Variants in ADCY5 observed in about 807,000 individuals in gnomAD.
ADCY5 encodes adenylate cyclase type 5.
ADCY5 carries 30 observed loss-of-function variants against 119.7 expected under a neutral mutation model. The observed-to-expected ratio is 0.25, with a 90% CI of 0.19 to 0.34. The LOEUF is 0.34. Among genes scored for constraint, ADCY5 ranks in the 10% least tolerant of loss-of-function variants. The pLI is 1.00. For synonymous variants in ADCY5, 753 were observed against 762.2 expected, an observed-to-expected ratio of 0.99 and a Z score of 0.20; for missense variants, 1,324 against 1,775.2, an observed-to-expected ratio of 0.75 and a Z score of 4.57.
At chr3:123,309,039 C>T (rs62262651) in intron 12 of ADCY5, among the ~76,000 whole-genome samples, 28,354 of 152,122 alleles carry the variant, frequency 0.19, 2,803 homozygotes, top group Middle Eastern at 0.29. Flanking sequence ...AGTACATTCC[C>T]AATCTGATTA....
chr3:123,397,767 T>C (rs1216220787), intron 1 of ADCY5, among the ~76,000 whole-genome samples: 3 of 152,242 alleles, frequency 2.0e-5, no homozygotes, highest in African/African-American at 7.2e-5. Context: ...ATGGACTTTT[T>C]CAAATCAGAG....
At chr3:123,329,685 C>T (rs1384395508) in intron 5 of ADCY5, among the ~76,000 whole-genome samples, 1 of 152,170 alleles carries the variant, frequency 6.6e-6, no homozygotes, top group Non-Finnish European at 1.5e-5. Flanking sequence ...AGGGGACCAG[C>T]AGTCTGACTT....
chr3:123,407,833 T>C (rs1316811408), intron 1 of ADCY5, among the ~76,000 whole-genome samples: 1 of 139,224 alleles, frequency 7.2e-6, no homozygotes, highest in Non-Finnish European at 1.6e-5. Flanking sequence ...ATGATTCCAC[T>C]TATAGGACAT....
chr3:123,392,853 ACT>A (rs753613492), intron 1 of ADCY5, among the ~76,000 whole-genome samples: 1 of 7,818 alleles, frequency 1.3e-4, no homozygotes, highest in Non-Finnish European at 5.7e-3. Context: ...TAGGACAGTC[ACT>A]TTTTTTTGTG....
chr3:123,294,018 A>G (rs1264490007), intron 17 of ADCY5, among the ~76,000 whole-genome samples: 1 of 152,238 alleles, frequency 6.6e-6, no homozygotes, highest in Non-Finnish European at 1.5e-5. Context: ...AGACCTGTCA[A>G]ATAACAGACG....
intron 1 of ADCY5, among the ~76,000 whole-genome samples, chr3:123,413,862 T>TG (rs534868519): frequency 4.6e-5 from 7 of 151,010 alleles, no homozygotes; most frequent in South Asian, 4.2e-4. Context: ...GACAAAGGGG[T>TG]GGGGGGGCTG....
rs115134254 is a variant in ADCY5 at position 123,295,497 on chromosome 3, G to C, written c.3063+587C>G. ...CCAGGGAGACACAAGGCACAGGGCAGGCAGCCTGGAGAGCCAAGTGCTGGC... is the reference window on the plus strand; with the variant it reads ...CCAGGGAGACACAAGGCACAGGGCACGCAGCCTGGAGAGCCAAGTGCTGGC... On this transcript the variant is annotated intron_variant, in intron 17 of 20. Transcript: ENST00000462833. Among the ~76,000 whole-genome samples, 411 of 152,364 alleles carry C rather than the reference G, an allele frequency of 2.7e-3. 4 individuals are homozygous for C. Among genetic ancestry groups the C allele is most frequent in the African/African-American group, 9.2e-3 (381 of 41,592 alleles).
At chr3:123,435,983 C>T (rs959267867) in intron 1 of ADCY5, among the ~76,000 whole-genome samples, 25 of 150,398 alleles carry the variant, frequency 1.7e-4, no homozygotes, top group Non-Finnish European at 2.5e-4. Context: ...CTCTGCCTCC[C>T]GGGTTCAAGC....
intron 16 of ADCY5, chr3:123,296,890 G>C (rs1405721845): frequency 9.1e-7 from 1 of 1,095,266 alleles, no homozygotes; most frequent in Non-Finnish European, 1.3e-6. Flanking sequence ...CCCCTGGAAG[G>C]CTGCACAGAG....
rs1421546436 is a variant in ADCY5, at chr3:123,361,608, C to T, written c.1135-9027G>A. ...GGTGGCCTCTGTGTCTGGCTTTTCT[C>T]GCTTAGCATATTTTCAAGGTTCGTC... On this transcript the variant is annotated intron_variant, in intron 1 of 20. Coordinates refer to ENST00000462833, the MANE Select transcript of ADCY5 (RefSeq NM_183357.3). Among the ~76,000 whole-genome samples the T allele has an allele frequency of 3.9e-5, 6 of 151,924 alleles. No individual in the cohort carries two copies. In the East Asian group the frequency reaches 9.7e-4, roughly 25 times the overall value.
chr3:123,346,868 C>G lies in ADCY5; in HGVS notation c.1406+914G>C, dbSNP rs546123848. On this transcript the variant is annotated intron_variant, in intron 3 of 20. Coordinates refer to ENST00000462833, the MANE Select transcript of ADCY5 (RefSeq NM_183357.3). Reference sequence around the variant, plus strand: ...GAGGATTATCAGGCTCTCCAGGAAGCCATGCTGGATGAAGGCCACTGTATC... The same window carrying G: ...GAGGATTATCAGGCTCTCCAGGAAGGCATGCTGGATGAAGGCCACTGTATC... Among the ~76,000 whole-genome samples the G allele has an allele frequency of 2.0e-5, 3 of 152,268 alleles. No homozygotes were observed. In the East Asian group the frequency reaches 5.8e-4, roughly 29 times the overall value.
intron 11 of ADCY5, among the ~76,000 whole-genome samples, chr3:123,315,248 C>T (rs1011798385): frequency 6.6e-6 from 1 of 152,254 alleles, no homozygotes; most frequent in Non-Finnish European, 1.5e-5. Flanking sequence ...ATTCAAACAG[C>T]GTCTTTGTTC....
chr3:123,377,292 C>T (rs1247304608), intron 1 of ADCY5, among the ~76,000 whole-genome samples: 3 of 152,236 alleles, frequency 2.0e-5, no homozygotes, highest in South Asian at 2.1e-4. Flanking sequence ...TCTCACACCA[C>T]TTCTTGTTAT....
chr3:123,362,006 C>A (rs1943264492), intron 1 of ADCY5, among the ~76,000 whole-genome samples: 1 of 152,074 alleles, frequency 6.6e-6, no homozygotes, highest in East Asian at 1.9e-4. Context: ...TATTTTGTTC[C>A]TTTTACAGCT....
chr3:123,329,204 G>A (rs1041719728), intron 5 of ADCY5, among the ~76,000 whole-genome samples: 2 of 152,198 alleles, frequency 1.3e-5, no homozygotes, highest in African/African-American at 4.8e-5. Flanking sequence ...TGCTCTTGTG[G>A]GTAAGACAGA....
chr3:123,297,266 GC>G (rs1405681228), intron 16 of ADCY5, 86 bp downstream of exon 16: 13 of 1,544,004 alleles, frequency 8.4e-6, no homozygotes, highest in Non-Finnish European at 1.2e-5. Context: ...TGCCACCAAG[GC>G]CCCTCCCACC....
intron 3 of ADCY5, among the ~76,000 whole-genome samples, chr3:123,335,165 G>A (rs913979697): frequency 3.9e-5 from 6 of 152,128 alleles, no homozygotes; most frequent in African/African-American, 1.4e-4. Flanking sequence ...TACCGAGCCA[G>A]CGCAAAGACA....
Position 123,289,865 on chromosome 3 carries a change from G to A in ADCY5, c.3417C>T (p.Thr1139=), listed in dbSNP as rs763947471. ...YMAASGLNDS[T]YDKVGKTHIK... ...TGTGGGTCTTGCCCACCTTGTCGTAGGTAGAGTCGTTGAGGCCGGAGGCAG... is the reference window on the plus strand; with the variant it reads ...TGTGGGTCTTGCCCACCTTGTCGTAAGTAGAGTCGTTGAGGCCGGAGGCAG... Residue 1139 remains threonine (T), a synonymous_variant, in exon 19 of 21, where the codon ACC becomes ACT. Coordinates refer to ENST00000462833, the MANE Select transcript of ADCY5 (RefSeq NM_183357.3). 4 of 1,614,220 alleles carry A rather than the reference G, an allele frequency of 2.5e-6. No homozygotes were observed. The highest frequency in any genetic ancestry group is 3.4e-6 in the Non-Finnish European group (4 of 1,180,048).
chr3:123,428,777 A>G (rs967844166), intron 1 of ADCY5, among the ~76,000 whole-genome samples: 1 of 152,180 alleles, frequency 6.6e-6, no homozygotes, highest in Non-Finnish European at 1.5e-5. Flanking sequence ...TGGGATACAG[A>G]TTCCTGGGCT....
Sources: gnomAD v4.1 joint callset for allele counts (sites outside exome capture counted in the v4.1 genomes callset) on GRCh38, gnomAD v4.1.1 for gene constraint, MANE v1.5 for transcripts, NCBI Gene and HGNC (gene_info 2026-07-23, HGNC 2026-07-21) for gene names.